The following RFWD3 variants were observed in gnomAD, a reference collection of about 807,000 sequenced individuals.
RFWD3 encodes the protein ring finger and WD repeat domain 3.
RFWD3 carries 65 observed loss-of-function variants against 87.7 expected under a neutral mutation model. That is an observed-to-expected ratio of 0.74 (90% CI 0.61 to 0.91). RFWD3 has a LOEUF of 0.91. Among genes scored for constraint, RFWD3 ranks in the 40% least tolerant of loss-of-function variants. The pLI, the probability that RFWD3 is intolerant of heterozygous loss-of-function variation, is 0.00. For synonymous variants in RFWD3, 433 were observed against 352.8 expected (o/e 1.23, Z -2.55); for missense variants, 1,078 against 938.5 (o/e 1.15, Z -1.94).
At chr16:74,627,076 TCA>T (rs370481587) in intron 11 of RFWD3, among the ~76,000 whole-genome samples, 17 of 152,234 alleles carry the variant, frequency 1.1e-4, no homozygotes, top group African/African-American at 3.9e-4. Flanking sequence ...TCACAACAAA[TCA>T]CAGTCTTGGA....
rs770618997 is a variant in RFWD3 at position 74,630,958 on chromosome 16, C to T, written c.1578-1G>A. 6.3e-7 allele frequency: 1 copy of T among 1,597,496 alleles called. No homozygotes were observed. Among genetic ancestry groups the T allele is most frequent in the Non-Finnish European group, 8.5e-7 (1 of 1,175,602 alleles). Reference sequence around the variant, plus strand: ...CTGGACCACGGTATTTGTCTCCAGGCTGTGGAGTTACAAAAGACTTTTACA... The same window carrying T: ...CTGGACCACGGTATTTGTCTCCAGGTTGTGGAGTTACAAAAGACTTTTACA... On this transcript the variant is annotated splice_acceptor_variant, in intron 9 of 12. Transcript: ENST00000361070. LOFTEE classifies it high-confidence loss of function.
At chr16:74,631,087 T>A (rs541616661) in intron 9 of RFWD3, 130 bp from the exon 10 acceptor site, 1 of 727,988 alleles carries the variant, frequency 1.4e-6, no homozygotes, top group Non-Finnish European at 2.1e-6. Context: ...ACTATCTGGA[T>A]TCCCTATTTT....
intron 8 of RFWD3, among the ~76,000 whole-genome samples, chr16:74,633,279 G>GAAA (rs59964330): frequency 1.8e-5 from 2 of 111,002 alleles, no homozygotes; most frequent in African/African-American, 6.5e-5. Context: ...CTCCGTCTCA[G>GAAA]AAAAAAAAAA....
At position 74,650,248 on chromosome 16, in the gene RFWD3, T is replaced by G. The variant is rs970783915; in HGVS notation, c.722-1046A>C. On this transcript the variant is annotated intron_variant, in intron 3 of 12. Coordinates refer to ENST00000361070, the MANE Select transcript of RFWD3 (RefSeq NM_018124.4). ...TTGTAGACTGTTCTACATTTTTAAT[T>G]TAAATGATTACATCTCTGAGGTATT... is the stretch of plus-strand genomic sequence containing the variant. Among the ~76,000 whole-genome samples, 7 of 152,216 alleles carry G rather than the reference T, an allele frequency of 4.6e-5. No homozygotes were observed. The South Asian group carries it at 1.4e-3, about 31-fold the overall frequency.
chr16:74,639,614 A>G (rs950273605), intron 6 of RFWD3, among the ~76,000 whole-genome samples: 2 of 152,258 alleles, frequency 1.3e-5, no homozygotes, highest in South Asian at 4.1e-4. Context: ...TTACCCTATA[A>G]TAATTTTTAA....
intron 6 of RFWD3, among the ~76,000 whole-genome samples, chr16:74,639,904 T>C (rs1388322575): frequency 6.6e-6 from 1 of 152,180 alleles, no homozygotes; most frequent in African/African-American, 2.4e-5. Flanking sequence ...AATATCGAGA[T>C]ATGTTGAGAG....
chr16:74,630,250 C>T (rs1567567531), intron 10 of RFWD3, among the ~76,000 whole-genome samples: 1 of 152,216 alleles, frequency 6.6e-6, no homozygotes, highest in Non-Finnish European at 1.5e-5. Context: ...CGTGTGCCAC[C>T]ACGCATGGCT....
chr16:74,660,599 A>T, intron 2 of RFWD3: 1 of 228,798 alleles, frequency 4.4e-6, no homozygotes, highest in East Asian at 1.1e-4. Context: ...TTGTGCCCCC[A>T]GGTGGAATGC....
intron 6 of RFWD3, among the ~76,000 whole-genome samples, chr16:74,639,322 G>C (rs529312861): frequency 7.4e-4 from 113 of 152,318 alleles, no homozygotes; most frequent in African/African-American, 2.4e-3. Context: ...ACAGGTGTGA[G>C]CTACTACACC....
intron 3 of RFWD3, among the ~76,000 whole-genome samples, chr16:74,651,317 C>A (rs1960549149): frequency 6.6e-6 from 1 of 152,064 alleles, no homozygotes; most frequent in South Asian, 2.1e-4. Context: ...CAAAACTTTT[C>A]TTTTAAATAA....
intron 2 of RFWD3, among the ~76,000 whole-genome samples, chr16:74,655,693 T>C (rs1960922710): frequency 6.6e-6 from 1 of 151,594 alleles, no homozygotes; most frequent in Non-Finnish European, 1.5e-5. Flanking sequence ...CTGGCTAATT[T>C]GTTGTATTTT....
chr16:74,642,120 C>G (rs1232502103), intron 6 of RFWD3, among the ~76,000 whole-genome samples: 1 of 151,906 alleles, frequency 6.6e-6, no homozygotes, highest in Non-Finnish European at 1.5e-5. Context: ...AGGAAGACTT[C>G]TAGTGTACCT....
Position 74,661,304 on chromosome 16 carries a change from AC to A in RFWD3, c.145del (p.Val49TyrfsTer12), listed in dbSNP as rs1436313275. Reference protein sequence around the residue: ...VPADVVSSQGVPSILQPAPAE... With the variant: ...VPADVVSSQGXPSILQPAPAE... ...AGGAGCTGGCTGGAGGATGGATGGT[AC>A]CCCCTGGCTGCTGACCACATCAGCA... On this transcript the variant is annotated frameshift_variant, in exon 2 of 13. Coordinates refer to ENST00000361070, the MANE Select transcript of RFWD3 (RefSeq NM_018124.4). LOFTEE classifies it high-confidence loss of function. 4 of 1,613,634 alleles carry A rather than the reference AC, an allele frequency of 2.5e-6. No homozygotes were observed. Among genetic ancestry groups the A allele is most frequent in the Non-Finnish European group, 3.4e-6 (4 of 1,179,956 alleles).
At chr16:74,624,303 T>A (rs749682877) in intron 12 of RFWD3, among the ~76,000 whole-genome samples, 1 of 152,172 alleles carries the variant, frequency 6.6e-6, no homozygotes, top group Non-Finnish European at 1.5e-5. Flanking sequence ...GGACCTGAAA[T>A]AAAGCCCAGC....
rs560158152 is a variant in RFWD3 at position 74,646,128 on chromosome 16, T to A, written c.793-1393A>T. ...TAGTAATCACACCTACAGTCCCAGC[T>A]TATTGGGAGGCCAAGGCAGGAGGAT... On this transcript the variant is annotated intron_variant, in intron 4 of 12. Coordinates refer to ENST00000361070, the MANE Select transcript of RFWD3 (RefSeq NM_018124.4). Among the ~76,000 whole-genome samples, 445 of 152,262 alleles carry A rather than the reference T, an allele frequency of 2.9e-3. 2 individuals are homozygous for A. Among genetic ancestry groups the A allele is most frequent in the Non-Finnish European group, 5.4e-3 (368 of 68,010 alleles).
chr16:74,661,548 A>G, intron 1 of RFWD3, 97 bp from the exon 2 acceptor site: 2 of 1,157,294 alleles, frequency 1.7e-6, no homozygotes, highest in Admixed American at 2.3e-5. Context: ...TTTATGTTTA[A>G]TATCATTCTT....
At chr16:74,649,097 A>C in intron 4 of RFWD3, 35 bp downstream of exon 4, 1 of 1,406,220 alleles carries the variant, frequency 7.1e-7, no homozygotes. Flanking sequence ...AAATAAATAA[A>C]TAAATAGATT....
At chr16:74,627,906 A>C (rs1007370977) in intron 11 of RFWD3, among the ~76,000 whole-genome samples, 1 of 152,230 alleles carries the variant, frequency 6.6e-6, no homozygotes, top group Non-Finnish European at 1.5e-5. Context: ...AGTACAGTTT[A>C]CCAGGAATTT....
chr16:74,623,610 C>G lies in RFWD3; in HGVS notation c.*318G>C. Reference sequence around the variant, plus strand: ...ACATCCTAGATGATGAGAGGACACTCTCTAAGGTCCAGAAAGTCACACAGA... The same window carrying G: ...ACATCCTAGATGATGAGAGGACACTGTCTAAGGTCCAGAAAGTCACACAGA... On this transcript the variant is annotated 3_prime_UTR_variant, in exon 13 of 13. Transcript: ENST00000361070. 4.3e-6 allele frequency: 1 copy of G among 233,040 alleles called. No homozygotes were observed. Among genetic ancestry groups the G allele is most frequent in the Non-Finnish European group, 8.4e-6 (1 of 119,368 alleles). 14.4% of individuals were successfully genotyped at this position (233,040 alleles called of 1,614,324 possible). A position where few individuals can be genotyped will look rare whatever the true frequency, so the allele number is the denominator to read the frequency against.
Sources: gnomAD v4.1 joint callset for allele counts (sites outside exome capture counted in the v4.1 genomes callset) on GRCh38, gnomAD v4.1.1 for gene constraint, MANE v1.5 for transcripts, NCBI Gene and HGNC (gene_info 2026-07-23, HGNC 2026-07-21) for gene names.